The following SIM1 variants were observed in gnomAD, a reference collection of about 807,000 sequenced individuals.
SIM1 encodes single-minded homolog 1.
Under a neutral mutation model 78.2 loss-of-function variants are expected in SIM1, and 18 were observed. The ratio of observed to expected loss-of-function variants is 0.23; its 90% confidence interval spans 0.16 to 0.34. SIM1 has a LOEUF of 0.34. Ranked by LOEUF, SIM1 falls within the 10% of genes least tolerant of loss-of-function variation. SIM1 has a pLI of 1.00. For synonymous variants in SIM1, 417 were observed against 385.2 expected (o/e 1.08, Z -0.97); for missense variants, 939 against 975.1 (o/e 0.96, Z 0.49).
chr6:100,435,621 T>C (rs1187678363), intron 9 of SIM1, among the ~76,000 whole-genome samples: 1 of 152,096 alleles, frequency 6.6e-6, no homozygotes, highest in Non-Finnish European at 1.5e-5. Context: ...AGAGGAACAA[T>C]ACCTGAGAAT....
chr6:100,405,029 AT>A (rs1418636757), intron 10 of SIM1, among the ~76,000 whole-genome samples: 1 of 152,098 alleles, frequency 6.6e-6, no homozygotes, highest in East Asian at 1.9e-4. Context: ...AATAATAGAA[AT>A]TTTTGCTGCC....
rs1355687795 is a variant in SIM1 at position 100,385,693 on chromosome 6, G to GTGTC, written c.*4667_*4668insGACA. The GTGTC allele has an allele frequency of 6.6e-6, 1 of 151,460 alleles. No homozygotes were observed. Among genetic ancestry groups the GTGTC allele is most frequent in the Non-Finnish European group, 1.5e-5 (1 of 67,842 alleles). The allele number at this position is 151,460 out of a possible 1,614,324, so 9.4% of individuals were successfully genotyped here. On this transcript the variant is annotated 3_prime_UTR_variant, in exon 12 of 12. Transcript: ENST00000369208. ...TATGTGTGTGTGTGTGTGTGTGTGT[G>GTGTC]TGTGTGTGTGTGTGTGTTATAATTG...
chr6:100,418,925 G>T (rs1554221460), intron 10 of SIM1, among the ~76,000 whole-genome samples: 1 of 149,642 alleles, frequency 6.7e-6, no homozygotes, highest in Admixed American at 6.6e-5. Flanking sequence ...CCCAGACTTT[G>T]GGAGGCTGAG....
chr6:100,420,441 T>C (rs899986190), intron 10 of SIM1, among the ~76,000 whole-genome samples: 1 of 152,202 alleles, frequency 6.6e-6, no homozygotes, highest in African/African-American at 2.4e-5. Context: ...TTTTTCTACA[T>C]CGAGCTCTTG....
chr6:100,446,356 C>T (rs1480256628), intron 9 of SIM1, among the ~76,000 whole-genome samples: 1 of 152,146 alleles, frequency 6.6e-6, no homozygotes, highest in Non-Finnish European at 1.5e-5. Context: ...TTCCAGCTTC[C>T]AAAGTAAACA....
intron 2 of SIM1, among the ~76,000 whole-genome samples, chr6:100,460,245 GA>G (rs368854782): frequency 7.5e-5 from 11 of 146,866 alleles, no homozygotes; most frequent in East Asian, 3.9e-4. Context: ...AGACTTGGGA[GA>G]AAAAAAAAAG....
intron 9 of SIM1, among the ~76,000 whole-genome samples, chr6:100,443,648 C>T (rs1039419762): frequency 6.7e-6 from 1 of 149,488 alleles, no homozygotes; most frequent in Non-Finnish European, 1.5e-5. Flanking sequence ...AACTAGCTCT[C>T]AACTATATTT....
Position 100,390,470 on chromosome 6 carries a change from G to A in SIM1, c.2192C>T (p.Ser731Phe). The A allele has an allele frequency of 1.2e-6, 2 of 1,614,142 alleles. No individual in the cohort carries two copies. The highest frequency in any genetic ancestry group is 1.3e-5 in the African/African-American group (1 of 75,028). ...AAAGTGTGAGCCATTACAGCCCAAG[G>A]AATAGTTTCTAATGGTTTCGCTGTC... Reference protein sequence around the residue: ...LYDSETIRNYSLGCNGSHFDV... With the variant: ...LYDSETIRNYFLGCNGSHFDV... Residue 731 changes from serine to phenylalanine, a missense_variant, in exon 12 of 12, where the codon TCC becomes TTC. Physicochemically the swap from Ser to Phe is radical, Grantham distance 155. Around this residue, in one of 5 missense-constraint regions of SIM1, gnomAD observed 556 missense variants for 521.9 expected, o/e 1.07. Transcript: ENST00000369208.
At chr6:100,462,954 A>G (rs1172960347) in intron 2 of SIM1, 1 of 206,578 alleles carries the variant, frequency 4.8e-6, no homozygotes, top group East Asian at 1.1e-4. Context: ...CAAAATTCTA[A>G]CAAGAGGAGT....
At chr6:100,405,496 AT>A (rs1205136119) in intron 10 of SIM1, among the ~76,000 whole-genome samples, 2 of 152,064 alleles carry the variant, frequency 1.3e-5, no homozygotes, top group African/African-American at 2.4e-5. Flanking sequence ...TATTCACAAG[AT>A]TTCCCCCCAT....
At chr6:100,395,543 A>G (rs1049758663) in intron 10 of SIM1, among the ~76,000 whole-genome samples, 6 of 152,238 alleles carry the variant, frequency 3.9e-5, no homozygotes, top group Non-Finnish European at 8.8e-5. Context: ...ACTGTTTCAC[A>G]GTCCCAGGAA....
intron 10 of SIM1, among the ~76,000 whole-genome samples, chr6:100,415,636 AG>A (rs1771379485): frequency 6.6e-6 from 1 of 152,188 alleles, no homozygotes; most frequent in African/African-American, 2.4e-5. Context: ...ATCTCATAGC[AG>A]AAAGGGACCT....
chr6:100,454,180 G>T (rs1772586934), intron 2 of SIM1, among the ~76,000 whole-genome samples: 1 of 152,150 alleles, frequency 6.6e-6, no homozygotes, highest in Non-Finnish European at 1.5e-5. Flanking sequence ...TGTTTACGGG[G>T]CGTAAGGGCA....
chr6:100,421,264 G>A (rs1289724563), intron 9 of SIM1, among the ~76,000 whole-genome samples: 2 of 152,148 alleles, frequency 1.3e-5, no homozygotes, highest in African/African-American at 2.4e-5. Context: ...GGTTTCTTAT[G>A]TGGGGTGGTT....
intron 9 of SIM1, among the ~76,000 whole-genome samples, chr6:100,435,089 G>A (rs1340425905): frequency 6.6e-6 from 1 of 152,166 alleles, no homozygotes; most frequent in Admixed American, 6.5e-5. Flanking sequence ...GCTAAAATTA[G>A]TGAAGAAGAG....
intron 10 of SIM1, among the ~76,000 whole-genome samples, chr6:100,404,582 A>G (rs1365944039): frequency 1.3e-5 from 2 of 151,894 alleles, no homozygotes; most frequent in African/African-American, 4.8e-5. Flanking sequence ...AACATAAAAT[A>G]TGTTCTTTTT....
chr6:100,425,369 G>C (rs765881827), intron 9 of SIM1, among the ~76,000 whole-genome samples: 1 of 152,146 alleles, frequency 6.6e-6, no homozygotes, highest in African/African-American at 2.4e-5. Context: ...ATCTATTGCA[G>C]TATGGCCAGA....
In SIM1 at chr6:100,393,431, T is replaced by C. The variant is rs1770689483; in HGVS notation, c.1570+56A>G. On this transcript the variant is annotated intron_variant, in intron 11 of 11. Coordinates refer to ENST00000369208, the MANE Select transcript of SIM1 (RefSeq NM_005068.3). ...CATTCACTCTAGTGTCACAATGTGA[T>C]GAACCTGCCCAGGGCCTAATGCTTG... 4 of 1,430,102 alleles carry C rather than the reference T, an allele frequency of 2.8e-6. No homozygotes were observed. In the Admixed American group the frequency reaches 1.0e-4, roughly 37 times the overall value. The allele number at this position is 1,430,102 out of a possible 1,614,324, so 88.6% of individuals were successfully genotyped here.
chr6:100,411,935 G>C (rs546874710), intron 10 of SIM1, among the ~76,000 whole-genome samples: 23 of 152,116 alleles, frequency 1.5e-4, no homozygotes, highest in Non-Finnish European at 2.4e-4. Flanking sequence ...GGCATTCACC[G>C]AACAGTGAGT....
Sources: gnomAD v4.1 joint callset for allele counts (sites outside exome capture counted in the v4.1 genomes callset) on GRCh38, gnomAD v4.1.1 for gene constraint, gnomAD v4.1.1 regional missense constraint, MANE v1.5 for transcripts, NCBI Gene and HGNC (gene_info 2026-07-23, HGNC 2026-07-21) for gene names.